The following EFCAB14 variants were observed in gnomAD, a reference collection of about 807,000 sequenced individuals.
EFCAB14 encodes the protein EF-hand calcium-binding domain-containing protein 14.
EFCAB14 carries 43 observed loss-of-function variants against 56.5 expected under a neutral mutation model. The ratio of observed to expected loss-of-function variants is 0.76; its 90% CI spans 0.60 to 0.98. EFCAB14 has a LOEUF of 0.98. Ranked by LOEUF, EFCAB14 falls within the 50% of genes least tolerant of loss-of-function variation. The pLI is 0.00. For synonymous variants in EFCAB14, 235 were observed against 212.9 expected (o/e 1.10, Z -0.90); for missense variants, 538 against 580.3 (o/e 0.93, Z 0.75).
chr1:46,683,558 A>AT, intron 9 of EFCAB14, 133 bp from the exon 10 acceptor site: 1 of 963,396 alleles, frequency 1.0e-6, no homozygotes, highest in Non-Finnish European at 1.5e-6. Context: ...AAAGTAGCAT[A>AT]GTGACTATGT....
intron 10 of EFCAB14, among the ~76,000 whole-genome samples, chr1:46,679,932 TCTA>T (rs1480199924): frequency 6.6e-6 from 1 of 152,132 alleles, no homozygotes; most frequent in Non-Finnish European, 1.5e-5. Context: ...CAGTGCTCTT[TCTA>T]CTATGTGACA....
At position 46,676,139 on chromosome 1, in the gene EFCAB14, GAAGA is replaced by G. The variant is rs927037885; in HGVS notation, c.*2318_*2321del. On this transcript the variant is annotated 3_prime_UTR_variant, in exon 11 of 11. Transcript: ENST00000371933. ...TAAGCCAGTGAGTCTGCTCAACTCA[GAAGA>G]AAGGAGTTCAAGATACCCTACTTTT... 4 of 152,200 alleles carry G rather than the reference GAAGA, an allele frequency of 2.6e-5. No individual in the cohort carries two copies. The highest frequency in any genetic ancestry group is 9.6e-5 in the African/African-American group (4 of 41,452). The allele number at this position is 152,200 out of a possible 1,614,324, so 9.4% of individuals were successfully genotyped here.
chr1:46,678,705 C>G (rs1557437551), intron 10 of EFCAB14, 69 bp from the exon 11 acceptor site: 1 of 1,375,810 alleles, frequency 7.3e-7, no homozygotes, highest in African/African-American at 1.5e-5. Context: ...AAAGTAGTCT[C>G]AACTGAATTT....
chr1:46,704,037 T>C (rs995442558), intron 3 of EFCAB14, among the ~76,000 whole-genome samples: 4 of 152,212 alleles, frequency 2.6e-5, no homozygotes, highest in Non-Finnish European at 5.9e-5. Flanking sequence ...CTCACCTGGC[T>C]CCAATCTAGG....
At position 46,686,849 on chromosome 1, in the gene EFCAB14, G is replaced by C. The variant is rs1676891338; in HGVS notation, c.1009C>G (p.Leu337Val). The C allele has an allele frequency of 6.2e-7, 1 of 1,613,630 alleles. No individual in the cohort carries two copies. Among genetic ancestry groups the C allele is most frequent in the African/African-American group, 1.3e-5 (1 of 74,892 alleles). The stretch of plus-strand genomic sequence containing the variant: ...ACTTGATCCAAAGACTGTCTTTTCA[G>C]AGTGGCAGATCTATCACCCATCTTA... ...FSMMGDRSAT[L>V]KRQSLDQVTN... Residue 337 changes from leucine to valine, a missense_variant, in exon 8 of 11, where the codon CTG becomes GTG. By Grantham distance (32) the Leu-to-Val change is conservative. Transcript: ENST00000371933.
At chr1:46,706,314 G>C (rs891491694) in intron 3 of EFCAB14, among the ~76,000 whole-genome samples, 7 of 152,124 alleles carry the variant, frequency 4.6e-5, no homozygotes, top group Admixed American at 4.6e-4. Flanking sequence ...AAAAATAATG[G>C]CAGGCTAAGA....
intron 2 of EFCAB14, among the ~76,000 whole-genome samples, chr1:46,709,444 A>G (rs1677276860): frequency 6.6e-6 from 1 of 152,118 alleles, no homozygotes; most frequent in South Asian, 2.1e-4. Context: ...CACTCGGACC[A>G]CTGCACCTCT....
At chr1:46,709,938 A>G (rs1006295254) in intron 2 of EFCAB14, among the ~76,000 whole-genome samples, 2 of 152,154 alleles carry the variant, frequency 1.3e-5, no homozygotes, top group Non-Finnish European at 2.9e-5. Flanking sequence ...TGTTGAGCCA[A>G]GATCTTGCCA....
Position 46,712,474 on chromosome 1 carries a change from T to C in EFCAB14, c.334+3821A>G, listed in dbSNP as rs111762885. On this transcript the variant is annotated intron_variant, in intron 2 of 10. Transcript: ENST00000371933. ...AGTACTTTTAGCTTAAGGATCAAGT[T>C]TCTCTTTGACGAGAAAAAAAAAAGA... Among the ~76,000 whole-genome samples the C allele has an allele frequency of 6.0e-3, 905 of 152,034 alleles. 6 individuals are homozygous for C. Among genetic ancestry groups the C allele is most frequent in the Non-Finnish European group, 9.9e-3 (671 of 67,996 alleles).
chr1:46,688,157 G>C (rs1676918989), intron 7 of EFCAB14, among the ~76,000 whole-genome samples, 196 bp downstream of exon 7: 1 of 152,128 alleles, frequency 6.6e-6, no homozygotes, highest in South Asian at 2.1e-4. Context: ...CTCCAAATCA[G>C]GACAAACACT....
intron 2 of EFCAB14, among the ~76,000 whole-genome samples, chr1:46,710,356 T>A (rs970464548): frequency 2.6e-5 from 4 of 152,218 alleles, no homozygotes; most frequent in Admixed American, 2.0e-4. Context: ...TTTGATATCC[T>A]CCTTATAGCT....
At chr1:46,713,048 A>AAT (rs1677332444) in intron 2 of EFCAB14, among the ~76,000 whole-genome samples, 1 of 150,820 alleles carries the variant, frequency 6.6e-6, no homozygotes. Flanking sequence ...AAAAAAAAAA[A>AAT]TTTTTTTTTT....
At chr1:46,699,615 A>G (rs1677125759) in intron 3 of EFCAB14, among the ~76,000 whole-genome samples, 1 of 152,246 alleles carries the variant, frequency 6.6e-6, no homozygotes, top group Non-Finnish European at 1.5e-5. Flanking sequence ...ATAAGGCTAG[A>G]TAAGTAGTGA....
At position 46,683,278 on chromosome 1, in the gene EFCAB14, ACC is replaced by A. The variant is rs1480794442; in HGVS notation, c.1312+20_1312+21del. 1 of 1,609,422 alleles carries A rather than the reference ACC, an allele frequency of 6.2e-7. No homozygotes were observed. The highest frequency in any genetic ancestry group is 8.5e-7 in the Non-Finnish European group (1 of 1,178,576). On this transcript the variant is annotated intron_variant, in intron 10 of 10. Transcript: ENST00000371933. ...TATTACTTTGAACATTCCCATTACT[ACC>A]CCGTGGTATAAAAATTTACCTTCAG... is the stretch of plus-strand genomic sequence containing the variant.
intron 9 of EFCAB14, chr1:46,684,232 A>G: frequency 4.7e-6 from 2 of 426,002 alleles, no homozygotes; most frequent in Admixed American, 3.9e-5. Flanking sequence ...ATTTTTGCCT[A>G]TAATTGGATG....
At position 46,717,830 on chromosome 1, in the gene EFCAB14, C is replaced by T. The variant is rs1677421134; in HGVS notation, c.185+73G>A. ...TTTCTTCCTAAGGACTTCCTTTCTC[C>T]TTCCTGTCAATGTGGCCCCTTGGTA... On this transcript the variant is annotated intron_variant, in intron 1 of 10. Coordinates refer to ENST00000371933, the MANE Select transcript of EFCAB14 (RefSeq NM_014774.3). 3 of 1,510,792 alleles carry T rather than the reference C, an allele frequency of 2.0e-6. No individual in the cohort carries two copies. In the Admixed American group the frequency reaches 6.0e-5, roughly 30 times the overall value. The allele number at this position is 1,510,792 out of a possible 1,614,324, so 93.6% of individuals were successfully genotyped here.
At position 46,678,306 on chromosome 1, in the gene EFCAB14, T is replaced by A; in HGVS notation, c.*155A>T. On this transcript the variant is annotated 3_prime_UTR_variant, in exon 11 of 11. Transcript: ENST00000371933. ...AAAATGGTCTTCTTCTTTAAAAAAA[T>A]AACTTTTATATAGCTTCTTCAAACA... The A allele has an allele frequency of 1.7e-6, 1 of 572,612 alleles. No individual in the cohort carries two copies. The highest frequency in any genetic ancestry group is 2.8e-6 in the Non-Finnish European group (1 of 356,506). The allele number at this position is 572,612 out of a possible 1,614,324, so 35.5% of individuals were successfully genotyped here.
rs775757328 is a variant in EFCAB14 at position 46,718,119 on chromosome 1, C to A, written c.-32G>T. ...GTGTGGGGTGAGTGGAGCCCCGACT[C>A]CTGAGCTGCCAGGTTCGTACCCGAT... On this transcript the variant is annotated 5_prime_UTR_variant, in exon 1 of 11. Transcript: ENST00000371933. 1.9e-6 allele frequency: 3 copies of A among 1,605,242 alleles called. No homozygotes were observed. The highest frequency in any genetic ancestry group is 1.1e-5 in the South Asian group (1 of 90,444).
chr1:46,679,302 TTTC>T (rs1255470748), intron 10 of EFCAB14, among the ~76,000 whole-genome samples: 1 of 152,148 alleles, frequency 6.6e-6, no homozygotes, highest in East Asian at 1.9e-4. Context: ...ACAATACAAA[TTTC>T]TTTTCTTTTT....
Sources: gnomAD v4.1 joint callset for allele counts (sites outside exome capture counted in the v4.1 genomes callset) on GRCh38, gnomAD v4.1.1 for gene constraint, MANE v1.5 for transcripts, NCBI Gene and HGNC (gene_info 2026-07-23, HGNC 2026-07-21) for gene names.